Variants in NPAS3 observed in about 807,000 individuals in gnomAD.
NPAS3 encodes the protein neuronal PAS domain-containing protein 3.
Under a neutral mutation model 73.1 loss-of-function variants are expected in NPAS3, and 14 were observed. That is an observed-to-expected ratio of 0.19 (90% CI 0.13 to 0.30). The LOEUF (loss-of-function observed/expected upper bound fraction) is 0.30, where lower values mean the gene tolerates loss of function less well. Among genes scored for constraint, NPAS3 ranks in the 10% least tolerant of loss-of-function variants. The pLI is 1.00. For missense variants in NPAS3, 1,096 were observed against 1,250.0 expected, an observed-to-expected ratio of 0.88 and a Z score of 1.86; for synonymous variants, 620 against 541.5, an observed-to-expected ratio of 1.14 and a Z score of -2.01.
chr14:33,453,985 C>G (rs2049916027), intron 4 of NPAS3, among the ~76,000 whole-genome samples: 1 of 152,174 alleles, frequency 6.6e-6, no homozygotes, highest in Non-Finnish European at 1.5e-5. Context: ...CCACCATGAC[C>G]AGCCCTTTTT....
At chr14:33,262,945 C>A (rs554753761) in intron 3 of NPAS3, among the ~76,000 whole-genome samples, 1 of 152,006 alleles carries the variant, frequency 6.6e-6, no homozygotes, top group Admixed American at 6.6e-5. Context: ...CTGTTCATAT[C>A]CTTTGCCCAC....
rs2054638114 is a variant in NPAS3, at chr14:33,543,955, A to ATATATATC, written c.469-16159_469-16158insCTATATAT. ...CAGGTATGGCAAAGTGCATATATAT[A>ATATATATC]TATATATATATATATATATATATAT... On this transcript the variant is annotated intron_variant, in intron 4 of 11. Transcript: ENST00000356141. 8.4e-4 allele frequency among the ~76,000 whole-genome samples: 7 copies of ATATATATC among 8,366 alleles called. No individual in the cohort carries two copies. In the African/African-American group the frequency reaches 0.011, roughly 13 times the overall value. The allele number at this position is 8,366 out of a possible 152,430, so 5.5% of individuals were successfully genotyped here.
At chr14:33,262,165 C>G (rs560854538) in intron 3 of NPAS3, among the ~76,000 whole-genome samples, 1 of 152,148 alleles carries the variant, frequency 6.6e-6, no homozygotes, top group East Asian at 1.9e-4. Flanking sequence ...GGCATGCAAC[C>G]CTGATGGTGT....
chr14:33,590,228 G>T (rs28491171), intron 5 of NPAS3, among the ~76,000 whole-genome samples: 5,963 of 152,260 alleles, frequency 0.039, 249 homozygotes, highest in African/African-American at 0.1. Flanking sequence ...TGGACCACAG[G>T]AAGTTTTCTA....
intron 3 of NPAS3, among the ~76,000 whole-genome samples, chr14:33,246,453 G>C (rs2048379479): frequency 6.8e-6 from 1 of 147,166 alleles, no homozygotes; most frequent in Non-Finnish European, 1.5e-5. Flanking sequence ...GCAGGAGAAT[G>C]GCGTGAACCC....
chr14:33,064,116 A>G (rs1371613547), intron 2 of NPAS3, among the ~76,000 whole-genome samples: 1 of 152,210 alleles, frequency 6.6e-6, no homozygotes, highest in Non-Finnish European at 1.5e-5. Context: ...TATTCAGGAT[A>G]TCTATTAAAA....
At chr14:33,735,314 C>T in exon 7 of NPAS3, 1 of 1,612,720 alleles carries the variant, frequency 6.2e-7, no homozygotes, top group Admixed American at 1.7e-5. Flanking sequence ...GTGTGCACAT[C>T]AAATCATCAG....
At chr14:33,578,970 G>A (rs2056556424) in intron 5 of NPAS3, among the ~76,000 whole-genome samples, 2 of 152,234 alleles carry the variant, frequency 1.3e-5, no homozygotes, top group Non-Finnish European at 2.9e-5. Context: ...ATAGACTAAT[G>A]TGCCAAGCTC....
intron 2 of NPAS3, among the ~76,000 whole-genome samples, chr14:33,084,753 G>T (rs139549990): frequency 1.3e-5 from 2 of 152,066 alleles, no homozygotes; most frequent in African/African-American, 4.8e-5. Flanking sequence ...TCTTGTGGCC[G>T]TGAAATTGAT....
intron 5 of NPAS3, among the ~76,000 whole-genome samples, chr14:33,596,821 T>TGTGTGACAGCTTC (rs1264709331): frequency 1.3e-5 from 2 of 152,204 alleles, no homozygotes; most frequent in African/African-American, 2.4e-5. Flanking sequence ...CATTACTGAT[T>TGTGTGACAGCTTC]GTGTGACAGC....
intron 4 of NPAS3, among the ~76,000 whole-genome samples, chr14:33,460,620 T>C (rs568837177): frequency 6.6e-6 from 1 of 152,294 alleles, no homozygotes; most frequent in South Asian, 2.1e-4. Flanking sequence ...TCACGTATAT[T>C]TTCGGCGTAC....
intron 4 of NPAS3, among the ~76,000 whole-genome samples, chr14:33,373,386 ATGTG>A (rs5807721): frequency 0.024 from 3,480 of 146,916 alleles, 44 homozygotes; most frequent in Middle Eastern, 0.052. Flanking sequence ...ATTGAACTAT[ATGTG>A]TGTGTGTGTG....
At position 32,949,445 on chromosome 14, in the gene NPAS3, G is replaced by A. The variant is rs550916916; in HGVS notation, c.50+10079G>A. On this transcript the variant is annotated intron_variant, in intron 1 of 11. Coordinates refer to ENST00000356141, the Ensembl canonical transcript of NPAS3. ...TGTGAAGGGAGGGTTAATTGTTACC[G>A]CTTCTCAAGCCTCTGGACAGATAAA... Among the ~76,000 whole-genome samples the A allele has an allele frequency of 5.3e-5, 8 of 152,018 alleles. No individual in the cohort carries two copies. In the East Asian group the frequency reaches 7.7e-4, roughly 15 times the overall value.
At chr14:33,331,351 T>G (rs7141304) in intron 3 of NPAS3, among the ~76,000 whole-genome samples, 21,516 of 152,212 alleles carry the variant, frequency 0.14, 1,692 homozygotes, top group African/African-American at 0.19. Flanking sequence ...AAAGAATTTT[T>G]TGTGTGGAAG....
At chr14:33,301,324 T>TATATATATATATA (rs56204986) in intron 3 of NPAS3, among the ~76,000 whole-genome samples, 1,206 of 75,522 alleles carry the variant, frequency 0.016, 143 homozygotes, top group African/African-American at 0.018. Flanking sequence ...ATATATATAT[T>TATATATATATATA]TTTTTTTTTT....
At chr14:33,708,599 G>A (rs1451341614) in intron 6 of NPAS3, among the ~76,000 whole-genome samples, 1 of 152,100 alleles carries the variant, frequency 6.6e-6, no homozygotes, top group African/African-American at 2.4e-5. Context: ...TTAACGACCT[G>A]GAAGAGGAAG....
intron 7 of NPAS3, among the ~76,000 whole-genome samples, chr14:33,758,034 A>G (rs2062168640): frequency 6.6e-6 from 1 of 152,212 alleles, no homozygotes; most frequent in Non-Finnish European, 1.5e-5. Context: ...GAACGAATGA[A>G]TGTTGTCACA....
chr14:33,429,193 TGG>T (rs1447517424), intron 4 of NPAS3, among the ~76,000 whole-genome samples: 1 of 152,142 alleles, frequency 6.6e-6, no homozygotes, highest in Non-Finnish European at 1.5e-5. Context: ...TGTCACACTT[TGG>T]TATTAGTCAA....
At chr14:33,113,252 C>G (rs1345114815) in intron 2 of NPAS3, among the ~76,000 whole-genome samples, 1 of 152,120 alleles carries the variant, frequency 6.6e-6, no homozygotes, top group African/African-American at 2.4e-5. Flanking sequence ...TATAAATTAT[C>G]TTGGGTAGTA....
Sources: allele counts gnomAD v4.1 joint callset (sites outside exome capture counted in the v4.1 genomes callset), GRCh38; gene constraint gnomAD v4.1.1; transcripts MANE v1.5; gene names NCBI Gene and HGNC (gene_info 2026-07-23, HGNC 2026-07-21).